UNC13C: variants seen among roughly 807,000 people sequenced by gnomAD.
The protein encoded by UNC13C is unc-13 homolog C, also known as protein unc-13 homolog C.
In UNC13C, 174 loss-of-function variants were observed where a neutral mutation model predicts 245.4. The observed-to-expected ratio is 0.71, with a 90% confidence interval of 0.63 to 0.80. The LOEUF is 0.80. UNC13C is among the 30% of genes least tolerant of loss of function. UNC13C has a pLI of 0.00. For synonymous variants in UNC13C, 992 were observed against 895.1 expected (o/e 1.11, Z -1.93); for missense variants, 2,829 against 2,602.9 (o/e 1.09, Z -1.89).
At chr15:54,100,881 C>A (rs559896640) in intron 2 of UNC13C, among the ~76,000 whole-genome samples, 1 of 152,076 alleles carries the variant, frequency 6.6e-6, no homozygotes, top group Non-Finnish European at 1.5e-5. Context: ...CACTCCCCAG[C>A]CCATTTTCAC....
chr15:54,363,457 A>G (rs111751088), intron 17 of UNC13C, among the ~76,000 whole-genome samples: 2 of 152,294 alleles, frequency 1.3e-5, no homozygotes, highest in African/African-American at 4.8e-5. Flanking sequence ...GTCATTTGAT[A>G]CTAGTATCAG....
At chr15:53,950,066 ACCTT>A in the UNC13C span, among the ~76,000 whole-genome samples, 2 of 152,196 alleles carry the variant, frequency 1.3e-5, no homozygotes, top group Non-Finnish European at 2.9e-5. Context: ...TTACCTCAGT[ACCTT>A]ATAAAAGTAC....
chr15:54,410,041 T>C (rs1474263863), intron 18 of UNC13C, among the ~76,000 whole-genome samples: 1 of 152,216 alleles, frequency 6.6e-6, no homozygotes, highest in Non-Finnish European at 1.5e-5. Context: ...GCATCTGTTA[T>C]GTTTTTACTT....
At chr15:54,285,644 G>A (rs994002101) in intron 10 of UNC13C, among the ~76,000 whole-genome samples, 3 of 152,094 alleles carry the variant, frequency 2.0e-5, no homozygotes, top group Admixed American at 2.0e-4. Flanking sequence ...CTCAACTGAT[G>A]CCCTGCCTTC....
the UNC13C span, among the ~76,000 whole-genome samples, chr15:53,917,590 T>A: frequency 6.6e-6 from 1 of 152,186 alleles, no homozygotes; most frequent in African/African-American, 2.4e-5. Context: ...TAGAGTAGCA[T>A]AACTCAGTGG....
At chr15:54,435,591 G>C (rs2040966520) in intron 19 of UNC13C, among the ~76,000 whole-genome samples, 1 of 149,020 alleles carries the variant, frequency 6.7e-6, no homozygotes, top group African/African-American at 2.5e-5. Flanking sequence ...GTGGGGGTGG[G>C]GGACTAGGGG....
intron 13 of UNC13C, among the ~76,000 whole-genome samples, chr15:54,312,222 A>ATGTG (rs142402305): frequency 6.7e-6 from 1 of 150,298 alleles, no homozygotes; most frequent in African/African-American, 2.4e-5. Flanking sequence ...TTTGGTGTGC[A>ATGTG]TGTGTGTGTG....
At chr15:54,219,739 A>C (rs1352707742) in intron 4 of UNC13C, among the ~76,000 whole-genome samples, 2 of 151,816 alleles carry the variant, frequency 1.3e-5, no homozygotes, top group Admixed American at 1.3e-4. Flanking sequence ...CAATGAACTC[A>C]AACAAATTTA....
chr15:54,547,329 G>A (rs775767623), intron 27 of UNC13C, among the ~76,000 whole-genome samples: 7 of 152,038 alleles, frequency 4.6e-5, no homozygotes, highest in Non-Finnish European at 1.0e-4. Context: ...TCTGAAAAAT[G>A]TGATTGTATC....
intron 28 of UNC13C, among the ~76,000 whole-genome samples, chr15:54,552,443 CAA>C (rs1896793578): frequency 4.5e-4 from 1 of 2,226 alleles, no homozygotes; most frequent in African/African-American, 3.8e-3. Flanking sequence ...TTATATATTA[CAA>C]TATATAATAT....
the UNC13C span, among the ~76,000 whole-genome samples, chr15:53,938,863 G>C: frequency 3.9e-5 from 6 of 152,058 alleles, no homozygotes; most frequent in African/African-American, 7.2e-5. Flanking sequence ...TGTTAAGAGG[G>C]AAATTTATAG....
the UNC13C span, among the ~76,000 whole-genome samples, chr15:53,936,271 C>A: frequency 4.1e-4 from 62 of 152,234 alleles, no homozygotes; most frequent in Middle Eastern, 3.4e-3. Context: ...GGCCAGACTG[C>A]TCCTTTAAGT....
chr15:54,485,593 T>C (rs1020582367), intron 19 of UNC13C, among the ~76,000 whole-genome samples: 2 of 152,214 alleles, frequency 1.3e-5, no homozygotes, highest in South Asian at 2.1e-4. Flanking sequence ...GTTTTACAGA[T>C]GTAAATCAGA....
chr15:54,506,306 G>A (rs2141108340), intron 22 of UNC13C, among the ~76,000 whole-genome samples: 1 of 152,278 alleles, frequency 6.6e-6, no homozygotes, highest in African/African-American at 2.4e-5. Flanking sequence ...ATTGAGAGTA[G>A]TATTCATACG....
intron 19 of UNC13C, among the ~76,000 whole-genome samples, chr15:54,427,827 G>A (rs2040790352): frequency 6.6e-6 from 1 of 151,694 alleles, no homozygotes; most frequent in Non-Finnish European, 1.5e-5. Flanking sequence ...AAATGTTCAT[G>A]GATTATAATG....
chr15:54,396,650 C>G (rs917728336), intron 18 of UNC13C, among the ~76,000 whole-genome samples: 1 of 151,338 alleles, frequency 6.6e-6, no homozygotes, highest in Non-Finnish European at 1.5e-5. Flanking sequence ...TTAAAACTGC[C>G]AAACTGCTTT....
At position 54,558,984 on chromosome 15, in the gene UNC13C, C is replaced by A. The variant is rs1254879421; in HGVS notation, c.5958+3472C>A. Among the ~76,000 whole-genome samples the A allele has an allele frequency of 6.6e-5, 10 of 152,118 alleles. No individual in the cohort carries two copies. In the East Asian group the frequency reaches 1.9e-3, roughly 29 times the overall value. Reference sequence around the variant, plus strand: ...CTTTCAAAGAGAAATAGCAGTTACACTTTGACCTGAAAAAATGCTGAATGA... The same window carrying A: ...CTTTCAAAGAGAAATAGCAGTTACAATTTGACCTGAAAAAATGCTGAATGA... On this transcript the variant is annotated intron_variant, in intron 29 of 32. Coordinates refer to ENST00000260323, the MANE Select transcript of UNC13C (RefSeq NM_001080534.3).
At chr15:54,472,005 C>T (rs888740203) in intron 19 of UNC13C, among the ~76,000 whole-genome samples, 4 of 151,856 alleles carry the variant, frequency 2.6e-5, no homozygotes, top group South Asian at 4.1e-4. Context: ...TTTTGGTATT[C>T]GTTTGATGAT....
At chr15:54,194,673 A>G (rs1376720009) in intron 4 of UNC13C, among the ~76,000 whole-genome samples, 1 of 152,122 alleles carries the variant, frequency 6.6e-6, no homozygotes, top group Non-Finnish European at 1.5e-5. Context: ...CTGCTGAAGT[A>G]GGACTCAGGA....
Sources: allele counts gnomAD v4.1 joint callset (sites outside exome capture counted in the v4.1 genomes callset), GRCh38; gene constraint gnomAD v4.1.1; transcripts MANE v1.5; gene names NCBI Gene and HGNC (gene_info 2026-07-23, HGNC 2026-07-21).